Variants in OSBPL1A observed in about 807,000 individuals in gnomAD.
OSBPL1A encodes oxysterol-binding protein-related protein 1.
A neutral mutation model predicts 137.1 loss-of-function variants in OSBPL1A; 80 were observed. The ratio of observed to expected loss-of-function variants is 0.58; its 90% confidence interval spans 0.49 to 0.70. The LOEUF is 0.70. OSBPL1A is among the 30% of genes least tolerant of loss of function. OSBPL1A has a pLI of 0.00. For missense variants in OSBPL1A, 970 were observed against 1,129.4 expected, an observed-to-expected ratio of 0.86 and a Z score of 2.02; for synonymous variants, 365 against 389.7, an observed-to-expected ratio of 0.94 and a Z score of 0.75.
intron 15 of OSBPL1A, among the ~76,000 whole-genome samples, chr18:24,246,445 A>C (rs1447370882): frequency 6.6e-6 from 1 of 151,900 alleles, no homozygotes; most frequent in East Asian, 1.9e-4. Flanking sequence ...TTTTACTATG[A>C]TCCCCATGGT....
chr18:24,175,129 TATATATACAC>T (rs1567920316), intron 21 of OSBPL1A, among the ~76,000 whole-genome samples: 3 of 72,608 alleles, frequency 4.1e-5, no homozygotes, highest in Admixed American at 1.3e-4. Context: ...TATATATATA[TATATATACAC>T]ATATATATAT....
chr18:24,275,841 C>T (rs755348203), intron 15 of OSBPL1A, among the ~76,000 whole-genome samples: 3 of 151,982 alleles, frequency 2.0e-5, no homozygotes, highest in Non-Finnish European at 4.4e-5. Context: ...GATTCTCCTG[C>T]CTCAGCCTCC....
chr18:24,356,572 T>C (rs147511536), intron 4 of OSBPL1A, among the ~76,000 whole-genome samples: 2 of 152,106 alleles, frequency 1.3e-5, no homozygotes, highest in African/African-American at 4.8e-5. Context: ...ATACACCTAG[T>C]GGTCATTCTC....
intron 2 of OSBPL1A, among the ~76,000 whole-genome samples, chr18:24,374,693 G>A (rs929949990): frequency 2.0e-5 from 3 of 152,142 alleles, no homozygotes; most frequent in African/African-American, 7.2e-5. Context: ...GAACCAGCAA[G>A]CCTAGGCCAG....
intron 17 of OSBPL1A, among the ~76,000 whole-genome samples, chr18:24,210,355 G>A (rs561401578): frequency 6.6e-6 from 1 of 152,140 alleles, no homozygotes; most frequent in Non-Finnish European, 1.5e-5. Context: ...AATCTGGGAG[G>A]TGGAGGTTGC....
chr18:24,317,128 A>G lies in OSBPL1A; in HGVS notation c.870+21T>C, dbSNP rs1364702114. The G allele has an allele frequency of 2.5e-6, 4 of 1,613,084 alleles. No individual in the cohort carries two copies. The South Asian group carries it at 4.4e-5, about 18-fold the overall frequency. ...ACTGATTTCACAGTTAGAGGAGCAA[A>G]TGATCCATGTTTCATCCTACCGTGC... On this transcript the variant is annotated intron_variant, in intron 11 of 27. Transcript: ENST00000319481.
At chr18:24,202,103 C>T (rs985769585) in intron 17 of OSBPL1A, among the ~76,000 whole-genome samples, 3 of 152,110 alleles carry the variant, frequency 2.0e-5, no homozygotes, top group Non-Finnish European at 4.4e-5. Flanking sequence ...CATCCTTATA[C>T]TTGGCAGGAG....
At chr18:24,222,962 T>G (rs1214463525) in intron 17 of OSBPL1A, among the ~76,000 whole-genome samples, 1 of 152,088 alleles carries the variant, frequency 6.6e-6, no homozygotes, top group African/African-American at 2.4e-5. Context: ...AATGATTTTT[T>G]TTTAATAGTA....
At chr18:24,231,816 T>C (rs985091132) in intron 16 of OSBPL1A, among the ~76,000 whole-genome samples, 1 of 152,202 alleles carries the variant, frequency 6.6e-6, no homozygotes, top group East Asian at 1.9e-4. Context: ...TTTCCTACTA[T>C]TAAAAGGCTG....
chr18:24,388,323 C>G (rs993579432), intron 1 of OSBPL1A, among the ~76,000 whole-genome samples: 3 of 152,024 alleles, frequency 2.0e-5, no homozygotes, highest in African/African-American at 7.2e-5. Flanking sequence ...CAGTAGGCAA[C>G]CAAATATTAG....
chr18:24,394,247 T>C (rs1280527314), intron 1 of OSBPL1A, among the ~76,000 whole-genome samples: 2 of 152,198 alleles, frequency 1.3e-5, no homozygotes, highest in African/African-American at 2.4e-5. Flanking sequence ...CCACACCAAC[T>C]TGGATACCAT....
chr18:24,260,488 T>C (rs562391872), intron 15 of OSBPL1A, among the ~76,000 whole-genome samples: 1 of 152,342 alleles, frequency 6.6e-6, no homozygotes, highest in African/African-American at 2.4e-5. Flanking sequence ...AAAGTGCTTA[T>C]ACATGCTACA....
chr18:24,305,960 C>A (rs976840682), intron 13 of OSBPL1A, among the ~76,000 whole-genome samples: 1 of 152,154 alleles, frequency 6.6e-6, no homozygotes, highest in African/African-American at 2.4e-5. Context: ...ATCAATTAAA[C>A]CTCTTTCCTT....
At chr18:24,360,496 A>G (rs1040767497) in intron 4 of OSBPL1A, among the ~76,000 whole-genome samples, 4 of 152,242 alleles carry the variant, frequency 2.6e-5, no homozygotes, top group Non-Finnish European at 5.9e-5. Context: ...TTAGATATTG[A>G]GCACATACAT....
rs1335302416 is a variant in OSBPL1A, at chr18:24,385,360, CA to C, written c.-2-7826del. ...GAGCTATAATTGCACCACTATATTC[CA>C]ACCTGGGTAACAGAAGGAGATCCTG... On this transcript the variant is annotated intron_variant, in intron 1 of 27. Coordinates refer to ENST00000319481, the MANE Select transcript of OSBPL1A (RefSeq NM_080597.4). Among the ~76,000 whole-genome samples the C allele has an allele frequency of 3.4e-4, 52 of 152,188 alleles. 1 individual carries two copies. The highest frequency in any genetic ancestry group is 1.2e-3 in the African/African-American group (49 of 41,510).
In OSBPL1A at chr18:24,377,512, G is replaced by A. The variant is rs1431878670; in HGVS notation, c.22C>T (p.Gln8Ter). The change falls in exon 2 of 28, where the codon CAG (glutamine) becomes TAG (stop). Residue 8 changes from glutamine (Q) to a stop codon, truncating the protein, a stop_gained. Coordinates refer to ENST00000319481, the MANE Select transcript of OSBPL1A (RefSeq NM_080597.4). LOFTEE classifies it high-confidence loss of function. MNTEAEQ[Q>*]LLHHARNGNA... ...CCATTTCTGGCGTGATGGAGAAGCT[G>A]TTGCTCCGCTTCTGTGTTCATTTCT... 6.2e-7 allele frequency: 1 copy of A among 1,607,834 alleles called. No individual in the cohort carries two copies. Among genetic ancestry groups the A allele is most frequent in the Non-Finnish European group, 8.5e-7 (1 of 1,178,534 alleles).
At chr18:24,373,562 A>G (rs1427195218) in intron 2 of OSBPL1A, among the ~76,000 whole-genome samples, 1 of 152,102 alleles carries the variant, frequency 6.6e-6, no homozygotes, top group Non-Finnish European at 1.5e-5. Context: ...GACCCTAAAA[A>G]CACTAACCTT....
chr18:24,372,714 C>G (rs373304853), intron 2 of OSBPL1A, among the ~76,000 whole-genome samples: 1 of 152,264 alleles, frequency 6.6e-6, no homozygotes, highest in Admixed American at 6.5e-5. Context: ...CAGCTTGTGA[C>G]CTGGTGTCCT....
intron 4 of OSBPL1A, among the ~76,000 whole-genome samples, chr18:24,354,748 C>CAAAAAAAAAAAAAAAAA (rs59694707): frequency 1.7e-3 from 134 of 77,048 alleles, no homozygotes; most frequent in South Asian, 2.6e-3. Flanking sequence ...CTCAATATAG[C>CAAAAAAAAAAAAAAAAA]AAAAAAAAAA....
Sources: gnomAD v4.1 joint callset for allele counts (sites outside exome capture counted in the v4.1 genomes callset) on GRCh38, gnomAD v4.1.1 for gene constraint, MANE v1.5 for transcripts, NCBI Gene and HGNC (gene_info 2026-07-23, HGNC 2026-07-21) for gene names.